The following XBP1 variants were observed in gnomAD, a reference collection of about 807,000 sequenced individuals.
XBP1 encodes the protein X-box binding protein 1, also known as X-box-binding protein 1.
XBP1 carries 18 observed loss-of-function variants against 34.6 expected under a neutral mutation model. That is an observed-to-expected ratio of 0.52 (90% confidence interval 0.36 to 0.77). The LOEUF (loss-of-function observed/expected upper bound fraction) is 0.77, where lower values mean the gene tolerates loss of function less well. XBP1 is among the 30% of genes least tolerant of loss of function. The probability of loss-of-function intolerance (pLI) is 0.00; values close to 1 mark genes in which losing one functional copy is unlikely to be tolerated. For missense variants in XBP1, 422 were observed against 464.6 expected (o/e 0.91, Z 0.84); for synonymous variants, 191 against 193.4 (o/e 0.99, Z 0.11).
exon 6 of XBP1, chr22:28,795,221 T>C: frequency 6.5e-7 from 1 of 1,536,404 alleles, no homozygotes; most frequent in Non-Finnish European, 8.8e-7. Flanking sequence ...AAAAGTGTCC[T>C]CCCAAGAATG....
In XBP1 at chr22:28,799,170, C is replaced by T; in HGVS notation, c.228-17G>A. The stretch of plus-strand genomic sequence containing the variant: ...TTCAGTTTCCTAGGAAGAGAAGGAA[C>T]ATACCACACTGAGTCATATCAAACC... On this transcript the variant is annotated splice_polypyrimidine_tract_variant and intron_variant, in intron 1 of 5. Transcript: ENST00000344347. The T allele has an allele frequency of 1.3e-6, 2 of 1,594,700 alleles. No individual in the cohort carries two copies.
chr22:28,797,265 C>T (rs2031768579), intron 2 of XBP1, 60 bp from the exon 3 acceptor site: 1 of 1,563,992 alleles, frequency 6.4e-7, no homozygotes, highest in African/African-American at 1.4e-5. Flanking sequence ...AAGAATCTAC[C>T]TGATTCAGTA....
intron 3 of XBP1, 182 bp downstream of exon 3, chr22:28,796,895 T>C (rs2031761470): frequency 1.6e-6 from 1 of 638,842 alleles, no homozygotes; most frequent in East Asian, 3.2e-5. Context: ...ACTACACACT[T>C]AAAAAATGAG....
chr22:28,799,629 G>C (rs895812753), intron 1 of XBP1, among the ~76,000 whole-genome samples: 3 of 152,162 alleles, frequency 2.0e-5, no homozygotes, highest in Non-Finnish European at 2.9e-5. Context: ...CTCTAGTGTT[G>C]AGATCCTAGG....
At chr22:28,797,015 G>A (rs996917851) in intron 3 of XBP1, 62 bp downstream of exon 3, 14 of 1,539,564 alleles carry the variant, frequency 9.1e-6, no homozygotes, top group East Asian at 2.3e-5. Flanking sequence ...AAACATAATC[G>A]CTGGGTCATG....
intron 3 of XBP1, 145 bp downstream of exon 3, chr22:28,796,932 C>T: frequency 9.9e-7 from 1 of 1,009,140 alleles, no homozygotes. Flanking sequence ...GGGAAGAACA[C>T]TCTGCCTGCA....
upstream of XBP1, chr22:28,800,533 A>T (rs570661028): frequency 2.9e-5 from 43 of 1,482,498 alleles, no homozygotes; most frequent in African/African-American, 5.6e-4. Context: ...ATAGCTCCAG[A>T]CTACGCACCG....
intron 1 of XBP1, among the ~76,000 whole-genome samples, 198 bp from the exon 2 acceptor site, chr22:28,799,351 T>G (rs1008355636): frequency 2.0e-5 from 3 of 152,234 alleles, no homozygotes; most frequent in African/African-American, 4.8e-5. Context: ...GAAGACCTGC[T>G]TTATTCTCTC....
At chr22:28,800,228 A>AGCGCCT (rs2031851988) in intron 1 of XBP1, 70 bp downstream of exon 1, 1 of 1,506,660 alleles carries the variant, frequency 6.6e-7, no homozygotes, top group East Asian at 2.5e-5. Context: ...CCCCGCTCCC[A>AGCGCCT]GCCCCTGCCC....
At chr22:28,797,380 T>C (rs896014625) in intron 2 of XBP1, among the ~76,000 whole-genome samples, 175 bp from the exon 3 acceptor site, 1 of 152,194 alleles carries the variant, frequency 6.6e-6, no homozygotes, top group South Asian at 2.1e-4. Flanking sequence ...GCAAGCTACT[T>C]AATAAGTGCC....
chr22:28,795,294 C>T (rs2031726065), exon 6 of XBP1: 2 of 1,551,946 alleles, frequency 1.3e-6, no homozygotes, highest in Non-Finnish European at 1.7e-6. Flanking sequence ...TATCCACAGT[C>T]ACTGTAAGCA....
chr22:28,794,821 A>G (rs983720095), downstream of XBP1: 1 of 171,518 alleles, frequency 5.8e-6, no homozygotes, highest in African/African-American at 2.4e-5. Context: ...AGAAATGATA[A>G]AGAACCATTC....
intron 1 of XBP1, among the ~76,000 whole-genome samples, chr22:28,799,631 G>A (rs2031827777): frequency 6.6e-6 from 1 of 152,178 alleles, no homozygotes; most frequent in Non-Finnish European, 1.5e-5. Context: ...CTAGTGTTGA[G>A]ATCCTAGGCA....
chr22:28,797,930 T>C (rs1482413009), intron 2 of XBP1, among the ~76,000 whole-genome samples: 1 of 152,194 alleles, frequency 6.6e-6, no homozygotes, highest in Non-Finnish European at 1.5e-5. Context: ...CTCATGATTC[T>C]TAGAAGAACC....
At chr22:28,799,503 A>G (rs2031824422) in intron 1 of XBP1, among the ~76,000 whole-genome samples, 1 of 152,062 alleles carries the variant, frequency 6.6e-6, no homozygotes, top group Non-Finnish European at 1.5e-5. Flanking sequence ...CAGTTCTCTT[A>G]AACAGGATCC....
intron 2 of XBP1, among the ~76,000 whole-genome samples, chr22:28,797,478 A>AT (rs960876193): frequency 5.3e-5 from 8 of 150,848 alleles, no homozygotes; most frequent in East Asian, 1.9e-4. Flanking sequence ...TGTAGATATA[A>AT]TTTTTTTTTT....
At chr22:28,799,255 T>G (rs2031817894) in intron 1 of XBP1, 102 bp from the exon 2 acceptor site, 2 of 758,566 alleles carry the variant, frequency 2.6e-6, no homozygotes, top group African/African-American at 3.5e-5. Context: ...ATTTACAGTA[T>G]AAGACAGACT....
chr22:28,796,849 G>A (rs558124498), intron 3 of XBP1: 6 of 341,302 alleles, frequency 1.8e-5, no homozygotes, highest in Admixed American at 9.6e-5. Context: ...AGGGAGCCAT[G>A]TAACTTGTTT....
At chr22:28,795,921 G>T in intron 5 of XBP1, 126 bp downstream of exon 5, 1 of 1,334,630 alleles carries the variant, frequency 7.5e-7, no homozygotes, top group Non-Finnish European at 1.0e-6. Flanking sequence ...GAAGGTAGTT[G>T]ATGTTCACCT....
Sources: gnomAD v4.1 joint callset for allele counts (sites outside exome capture counted in the v4.1 genomes callset) on GRCh38, gnomAD v4.1.1 for gene constraint, MANE v1.5 for transcripts, NCBI Gene and HGNC (gene_info 2026-07-23, HGNC 2026-07-21) for gene names.